CECR2: variants seen among roughly 807,000 people sequenced by gnomAD.
CECR2 encodes the protein CECR2 histone acetyl-lysine reader, also known as chromatin remodeling regulator CECR2.
CECR2 carries 30 observed loss-of-function variants against 154.5 expected under a neutral mutation model. That is an observed-to-expected ratio of 0.19 (90% CI 0.15 to 0.26). The LOEUF (loss-of-function observed/expected upper bound fraction) is 0.26. Among genes scored for constraint, CECR2 ranks in the 10% least tolerant of loss-of-function variants. The pLI is 1.00. For missense variants in CECR2, 1,743 were observed against 1,829.3 expected (o/e 0.95, Z 0.86); for synonymous variants, 725 against 683.7 (o/e 1.06, Z -0.94).
intron 1 of CECR2, among the ~76,000 whole-genome samples, chr22:17,475,668 C>T (rs1569106176): frequency 1.3e-5 from 2 of 152,152 alleles, no homozygotes; most frequent in South Asian, 4.1e-4. Context: ...CTGATTCTGA[C>T]TTACCTATCA....
chr22:17,529,593 G>C (rs908910530), intron 9 of CECR2, among the ~76,000 whole-genome samples: 4 of 152,030 alleles, frequency 2.6e-5, no homozygotes, highest in African/African-American at 9.7e-5. Context: ...CCAGCTACTC[G>C]GGAGGCTGAG....
At chr22:17,434,659 C>G (rs866355091) in intron 1 of CECR2, among the ~76,000 whole-genome samples, 3 of 149,182 alleles carry the variant, frequency 2.0e-5, no homozygotes, top group Middle Eastern at 6.8e-3. Flanking sequence ...CCCTGCTGCT[C>G]CCCGTAGCTA....
chr22:17,478,956 C>G (rs2055258402), intron 2 of CECR2, among the ~76,000 whole-genome samples: 1 of 151,672 alleles, frequency 6.6e-6, no homozygotes, highest in Non-Finnish European at 1.5e-5. Context: ...TTTTTAAGCA[C>G]TGTTGTATTC....
intron 7 of CECR2, among the ~76,000 whole-genome samples, chr22:17,505,566 C>G (rs1300401167): frequency 2.6e-5 from 3 of 114,744 alleles, no homozygotes; most frequent in Admixed American, 2.3e-4. Context: ...TTGAGTCTCT[C>G]TCTGTCTCCC....
At chr22:17,391,451 A>C (rs2063324971) in intron 1 of CECR2, among the ~76,000 whole-genome samples, 1 of 152,242 alleles carries the variant, frequency 6.6e-6, no homozygotes, top group South Asian at 2.1e-4. Flanking sequence ...GCTCCGGTCC[A>C]GGCTTTGCCC....
At chr22:17,446,725 A>T (rs2054670871) in intron 1 of CECR2, among the ~76,000 whole-genome samples, 1 of 143,806 alleles carries the variant, frequency 7.0e-6, no homozygotes, top group East Asian at 2.2e-4. Context: ...CAAAAACAAA[A>T]CAAAACAAAA....
intron 1 of CECR2, chr22:17,477,150 T>G: frequency 2.8e-6 from 2 of 724,858 alleles, no homozygotes; most frequent in East Asian, 5.2e-5. Flanking sequence ...ATGGTTTATC[T>G]CTTGAGAAGG....
intron 9 of CECR2, among the ~76,000 whole-genome samples, chr22:17,535,492 G>A (rs1054451148): frequency 1.3e-5 from 2 of 152,010 alleles, no homozygotes; most frequent in Non-Finnish European, 2.9e-5. Flanking sequence ...TAACTTTGTT[G>A]ATACTATTGT....
rs569903496 is a variant in CECR2 at position 17,481,114 on chromosome 22, C to T, written c.221+3432C>T. 5.7e-3 allele frequency among the ~76,000 whole-genome samples: 848 copies of T among 148,576 alleles called. 4 individuals carry two copies. The highest frequency in any genetic ancestry group is 8.0e-3 in the African/African-American group (324 of 40,324). On this transcript the variant is annotated intron_variant, in intron 2 of 18. Coordinates refer to ENST00000262608, the MANE Select transcript of CECR2 (RefSeq NM_001290047.2). ...ATCCCAGCACTTTGGGAGGTGGAGG[C>T]GGGCAGATCACGAGGTCAGGAAATC... is the stretch of plus-strand genomic sequence containing the variant.
At chr22:17,412,877 T>A (rs2054088191) in intron 1 of CECR2, among the ~76,000 whole-genome samples, 1 of 152,202 alleles carries the variant, frequency 6.6e-6, no homozygotes, top group African/African-American at 2.4e-5. Context: ...CCAGTCTGTG[T>A]ATCTGTGCCT....
Position 17,511,907 on chromosome 22 carries a change from G to C in CECR2, c.954+11G>C. 1.2e-6 allele frequency: 2 copies of C among 1,602,678 alleles called. No individual in the cohort carries two copies. The highest frequency in any genetic ancestry group is 1.3e-5 in the African/African-American group (1 of 74,752). On this transcript the variant is annotated intron_variant, in intron 8 of 18. Coordinates refer to ENST00000262608, the MANE Select transcript of CECR2 (RefSeq NM_001290047.2). ...CCCGTCAAGCAAGAGGTGAGTGTGG[G>C]TGAGAGTAGCGAGGAGGAGCTTTCC...
intron 1 of CECR2, chr22:17,477,009 T>C: frequency 1.5e-6 from 1 of 664,242 alleles, no homozygotes. Context: ...TTAGATGATG[T>C]AAGATTAGCC....
chr22:17,415,139 G>A (rs890428183), intron 1 of CECR2, among the ~76,000 whole-genome samples: 4 of 152,172 alleles, frequency 2.6e-5, no homozygotes, highest in African/African-American at 9.7e-5. Context: ...GAGTGAATAT[G>A]AACCTTACCT....
chr22:17,478,562 A>AG (rs1310235407), intron 2 of CECR2, among the ~76,000 whole-genome samples: 4 of 151,978 alleles, frequency 2.6e-5, no homozygotes, highest in Admixed American at 2.6e-4. Context: ...TCACCGTGTT[A>AG]GCCAGGATGG....
At chr22:17,443,426 T>A (rs955914579) in intron 1 of CECR2, among the ~76,000 whole-genome samples, 1 of 152,122 alleles carries the variant, frequency 6.6e-6, no homozygotes, top group African/African-American at 2.4e-5. Context: ...AGAATCCCTT[T>A]AAGCAGCAGG....
At chr22:17,454,052 C>T (rs1389747690) in intron 1 of CECR2, among the ~76,000 whole-genome samples, 1 of 152,138 alleles carries the variant, frequency 6.6e-6, no homozygotes, top group Non-Finnish European at 1.5e-5. Flanking sequence ...AGAAGTGCAC[C>T]TCTGTCTTTT....
intron 1 of CECR2, among the ~76,000 whole-genome samples, chr22:17,426,370 T>C (rs1407890308): frequency 6.6e-6 from 1 of 152,154 alleles, no homozygotes; most frequent in Non-Finnish European, 1.5e-5. Context: ...TTTTTTTTTC[T>C]TCCCTGAGAC....
chr22:17,546,485 C>CA (rs35754406), intron 16 of CECR2, among the ~76,000 whole-genome samples: 4,373 of 66,946 alleles, frequency 0.065, 160 homozygotes, highest in South Asian at 0.075. Context: ...GACTCTGTCT[C>CA]AAAAAAAAAA....
intron 1 of CECR2, among the ~76,000 whole-genome samples, chr22:17,476,075 T>C (rs997611810): frequency 3.3e-5 from 5 of 151,228 alleles, no homozygotes; most frequent in Non-Finnish European, 7.4e-5. Flanking sequence ...ATTACTCCCC[T>C]TCACATAATC....
Sources: gnomAD v4.1 joint callset for allele counts (sites outside exome capture counted in the v4.1 genomes callset) on GRCh38, gnomAD v4.1.1 for gene constraint, MANE v1.5 for transcripts, NCBI Gene and HGNC (gene_info 2026-07-23, HGNC 2026-07-21) for gene names.